The following FGD3 variants were observed in gnomAD, a reference collection of about 807,000 sequenced individuals.
The protein encoded by FGD3 is FYVE, RhoGEF and PH domain containing 3.
FGD3 carries 45 observed loss-of-function variants against 71.8 expected under a neutral mutation model. That is an observed-to-expected ratio of 0.63 (90% CI 0.49 to 0.80). The LOEUF is 0.80. Among genes scored for constraint, FGD3 ranks in the 30% least tolerant of loss-of-function variants. The probability of loss-of-function intolerance (pLI) is 0.00; values close to 1 mark genes in which losing one functional copy is unlikely to be tolerated. For missense variants in FGD3, 844 were observed against 951.5 expected, an observed-to-expected ratio of 0.89 and a Z score of 1.49; for synonymous variants, 378 against 392.8, an observed-to-expected ratio of 0.96 and a Z score of 0.44.
chr9:92,966,403 C>G (rs1054170789), intron 1 of FGD3, among the ~76,000 whole-genome samples: 1 of 152,238 alleles, frequency 6.6e-6, no homozygotes, highest in African/African-American at 2.4e-5. Flanking sequence ...GTGAGTGTCC[C>G]TGGTCTCAGG....
chr9:93,008,563 TG>T (rs2118724755), intron 6 of FGD3, among the ~76,000 whole-genome samples: 1 of 152,344 alleles, frequency 6.6e-6, no homozygotes, highest in East Asian at 1.9e-4. Context: ...CTCTTCTCCC[TG>T]CGTCCTGCCC....
chr9:93,021,191 C>G (rs1861904849), intron 13 of FGD3, among the ~76,000 whole-genome samples: 2 of 152,202 alleles, frequency 1.3e-5, no homozygotes, highest in African/African-American at 4.8e-5. Context: ...CCCAGTGCCC[C>G]CGTGCCCTGG....
chr9:92,982,145 A>G (rs1386293615), intron 3 of FGD3, among the ~76,000 whole-genome samples: 1 of 152,024 alleles, frequency 6.6e-6, no homozygotes, highest in African/African-American at 2.4e-5. Flanking sequence ...TCTTCCTCCT[A>G]CGCTTCCTAG....
At chr9:92,961,102 C>T (rs1859159863) in intron 1 of FGD3, among the ~76,000 whole-genome samples, 1 of 152,152 alleles carries the variant, frequency 6.6e-6, no homozygotes, top group East Asian at 1.9e-4. Context: ...ACACAGGCCC[C>T]TCTGGGTCCT....
chr9:92,972,532 G>A, intron 1 of FGD3, among the ~76,000 whole-genome samples: 1 of 150,272 alleles, frequency 6.7e-6, no homozygotes, highest in East Asian at 2.0e-4. Context: ...TGAAATGTTT[G>A]TAGAATTCAC....
At chr9:92,973,660 G>A (rs1437687828) in intron 1 of FGD3, among the ~76,000 whole-genome samples, 2 of 152,148 alleles carry the variant, frequency 1.3e-5, no homozygotes, top group Non-Finnish European at 2.9e-5. Flanking sequence ...GCAATGCCCC[G>A]TGACCTGTGG....
intron 10 of FGD3, 40 bp downstream of exon 10, chr9:93,015,869 G>A (rs898425173): frequency 2.5e-6 from 4 of 1,583,914 alleles, no homozygotes; most frequent in African/African-American, 1.3e-5. Flanking sequence ...CCCCCTGGAA[G>A]GGGCACTGAG....
At chr9:92,967,224 A>G (rs1416694586) in intron 1 of FGD3, among the ~76,000 whole-genome samples, 1 of 152,200 alleles carries the variant, frequency 6.6e-6, no homozygotes, top group African/African-American at 2.4e-5. Flanking sequence ...TGGCCTCCCA[A>G]AGTGCTGGAA....
At chr9:93,018,937 C>G (rs944009854) in intron 11 of FGD3, among the ~76,000 whole-genome samples, 2 of 152,116 alleles carry the variant, frequency 1.3e-5, no homozygotes, top group African/African-American at 4.8e-5. Context: ...CCTCCACCTC[C>G]CAGGTTCAAG....
At chr9:93,012,505 C>A (rs558582705) in intron 8 of FGD3, among the ~76,000 whole-genome samples, 13 of 152,292 alleles carry the variant, frequency 8.5e-5, no homozygotes, top group African/African-American at 3.1e-4. Context: ...CTCAGCAAGG[C>A]CAGGCGTGGT....
chr9:93,027,026 C>A (rs1862139882), intron 14 of FGD3, among the ~76,000 whole-genome samples: 1 of 152,224 alleles, frequency 6.6e-6, no homozygotes, highest in African/African-American at 2.4e-5. Flanking sequence ...GTGCTTGGAG[C>A]CCCCACTGTG....
Position 93,022,229 on chromosome 9 carries a change from G to A in FGD3, c.1495-98G>A, listed in dbSNP as rs922023582. 3.2e-6 allele frequency: 4 copies of A among 1,233,572 alleles called. No individual in the cohort carries two copies. In the African/African-American group the frequency reaches 5.9e-5, roughly 18 times the overall value. 76.4% of individuals were successfully genotyped at this position (1,233,572 alleles called of 1,614,324 possible). On this transcript the variant is annotated intron_variant, in intron 13 of 17. Coordinates refer to ENST00000375482, the MANE Select transcript of FGD3 (RefSeq NM_001083536.2). ...TCCTGCTCCCGAGCCTGCCCTCAATGCACAGAGGTGCTGGGGGCTTCAGGA... is the reference window on the plus strand; with the variant it reads ...TCCTGCTCCCGAGCCTGCCCTCAATACACAGAGGTGCTGGGGGCTTCAGGA...
Position 93,002,974 on chromosome 9 carries a change from C to G in FGD3, c.503C>G (p.Thr168Ser). 1 of 1,614,188 alleles carries G rather than the reference C, an allele frequency of 6.2e-7. No homozygotes were observed. Among genetic ancestry groups the G allele is most frequent in the Non-Finnish European group, 8.5e-7 (1 of 1,180,040 alleles). The part of the protein sequence containing the change: ...LLHIAQELLH[T>S]EETYVKRLHL... Reference sequence around the variant, plus strand: ...CACATTGCCCAGGAGCTCCTGCACACCGAGGAGACCTATGTGAAGCGGCTG... The same window carrying G: ...CACATTGCCCAGGAGCTCCTGCACAGCGAGGAGACCTATGTGAAGCGGCTG... Residue 168 changes from threonine (T) to serine (S), a missense_variant, in exon 4 of 18, where the codon ACC becomes AGC. Thr to Ser is a moderately conservative substitution (Grantham distance 58). Transcript: ENST00000375482.
intron 10 of FGD3, among the ~76,000 whole-genome samples, chr9:93,016,070 C>G (rs1861672427): frequency 1.3e-5 from 2 of 152,194 alleles, no homozygotes; most frequent in Admixed American, 1.3e-4. Context: ...TGCCAACTCC[C>G]CTTTCTGCAG....
At chr9:93,028,527 C>T (rs1394626743) in intron 14 of FGD3, among the ~76,000 whole-genome samples, 1 of 152,116 alleles carries the variant, frequency 6.6e-6, no homozygotes, top group Non-Finnish European at 1.5e-5. Flanking sequence ...TCAAGGGAGG[C>T]ACCTCCTCCC....
At chr9:93,013,011 CTGCACACCCAGCCCCCAGTAGTGGGCAGG>C in intron 8 of FGD3, among the ~76,000 whole-genome samples, 1 of 151,714 alleles carries the variant, frequency 6.6e-6, no homozygotes, top group Non-Finnish European at 1.5e-5. Flanking sequence ...TACACACCAA[CTGCACACCCAGCCCCCAGTAGTGGGCAGG>C]TGCACACCCA....
At chr9:93,009,869 G>C (rs2118730782) in intron 6 of FGD3, among the ~76,000 whole-genome samples, 1 of 152,346 alleles carries the variant, frequency 6.6e-6, no homozygotes, top group East Asian at 1.9e-4. Context: ...AGCTCTGCCT[G>C]ATTTCTCAGC....
At chr9:93,004,978 C>A (rs1860998302) in intron 5 of FGD3, among the ~76,000 whole-genome samples, 1 of 152,164 alleles carries the variant, frequency 6.6e-6, no homozygotes, top group Non-Finnish European at 1.5e-5. Flanking sequence ...TGGATGCAGC[C>A]TTCTGGCTGA....
At chr9:93,030,035 C>T (rs1284929510) in intron 15 of FGD3, 39 bp downstream of exon 15, 1 of 1,601,824 alleles carries the variant, frequency 6.2e-7, no homozygotes, top group Non-Finnish European at 8.5e-7. Context: ...AGGAGGCCAC[C>T]CTGTCCTCTG....
Sources: allele counts gnomAD v4.1 joint callset (sites outside exome capture counted in the v4.1 genomes callset), GRCh38; gene constraint gnomAD v4.1.1; transcripts MANE v1.5; gene names NCBI Gene and HGNC (gene_info 2026-07-23, HGNC 2026-07-21).